The following ADAM23 variants were observed in gnomAD, a reference collection of about 807,000 sequenced individuals.
ADAM23 encodes the protein disintegrin and metalloproteinase domain-containing protein 23.
A neutral mutation model predicts 120.1 loss-of-function variants in ADAM23; 33 were observed. That is an observed-to-expected ratio of 0.27 (90% confidence interval 0.21 to 0.37). The LOEUF is 0.37. Ranked by LOEUF, ADAM23 falls within the 10% of genes least tolerant of loss-of-function variation. The pLI, the probability that ADAM23 is intolerant of heterozygous loss-of-function variation, is 1.00. For missense variants in ADAM23, 862 were observed against 1,058.2 expected (o/e 0.81, Z 2.57); for synonymous variants, 367 against 375.2 (o/e 0.98, Z 0.25).
rs1029588482 is a variant in ADAM23, at chr2:206,620,750, G to A, written c.*3123G>A. ...AGAGCTGCTCCTACTAGATAACTGA[G>A]CAGTACACATAAGTGCATGTTATGA... On this transcript the variant is annotated 3_prime_UTR_variant, in exon 26 of 26. Transcript: ENST00000264377. 4 of 152,096 alleles carry A rather than the reference G, an allele frequency of 2.6e-5. No individual in the cohort carries two copies. The highest frequency in any genetic ancestry group is 9.7e-5 in the African/African-American group (4 of 41,398). The allele number at this position is 152,096 out of a possible 1,614,324, so 9.4% of individuals were successfully genotyped here.
intron 24 of ADAM23, chr2:206,607,136 C>T (rs1698743068): frequency 6.6e-6 from 1 of 152,200 alleles, no homozygotes; most frequent in Admixed American, 6.5e-5. Flanking sequence ...TTTGACCAGA[C>T]TTAGATCTTC....
At chr2:206,450,825 T>G (rs1318417071) in intron 2 of ADAM23, among the ~76,000 whole-genome samples, 2 of 152,200 alleles carry the variant, frequency 1.3e-5, no homozygotes, top group Non-Finnish European at 2.9e-5. Flanking sequence ...GGTGTTCAGT[T>G]TTGTTTGATT....
chr2:206,620,954 T>G lies in ADAM23; in HGVS notation c.*3327T>G, dbSNP rs1433087313. On this transcript the variant is annotated 3_prime_UTR_variant, in exon 26 of 26. Coordinates refer to ENST00000264377, the MANE Select transcript of ADAM23 (RefSeq NM_003812.4). ...CATCATGTTTTATAGTCATTGTTGC[T>G]TCCATTGTTAGTTTCCATTTTCAAG... is the stretch of plus-strand genomic sequence containing the variant. 2 of 152,236 alleles carry G rather than the reference T, an allele frequency of 1.3e-5. No individual in the cohort carries two copies. The highest frequency in any genetic ancestry group is 2.9e-5 in the Non-Finnish European group (2 of 68,034). The allele number at this position is 152,236 out of a possible 1,614,324, so 9.4% of individuals were successfully genotyped here. A position where few individuals can be genotyped will look rare whatever the true frequency, so the allele number is the denominator to read the frequency against.
At chr2:206,591,010 A>G (rs1398105778) in intron 21 of ADAM23, among the ~76,000 whole-genome samples, 1 of 152,176 alleles carries the variant, frequency 6.6e-6, no homozygotes, top group Non-Finnish European at 1.5e-5. Context: ...AGTTAAGGGA[A>G]ATTAATGTGT....
intron 24 of ADAM23, among the ~76,000 whole-genome samples, chr2:206,604,521 C>T (rs534416369): frequency 6.6e-6 from 1 of 151,888 alleles, no homozygotes; most frequent in African/African-American, 2.4e-5. Context: ...TCAACACTCT[C>T]GGGGGACTTT....
chr2:206,605,879 G>A, intron 24 of ADAM23: 1 of 674,164 alleles, frequency 1.5e-6, no homozygotes, highest in Non-Finnish European at 2.7e-6. Context: ...GTGGGGAATA[G>A]AGTAAGCATC....
chr2:206,455,017 A>G (rs749190544), intron 2 of ADAM23, among the ~76,000 whole-genome samples: 2 of 152,216 alleles, frequency 1.3e-5, no homozygotes, highest in Non-Finnish European at 2.9e-5. Context: ...CACAGCTCCA[A>G]TAGGCAGTGC....
intron 3 of ADAM23, among the ~76,000 whole-genome samples, chr2:206,510,929 T>C (rs1331161396): frequency 6.6e-6 from 1 of 152,224 alleles, no homozygotes; most frequent in Non-Finnish European, 1.5e-5. Context: ...GTATAGTTTT[T>C]TGAGCTGCAA....
In ADAM23 at chr2:206,526,439, G is replaced by A. The variant is rs772034066; in HGVS notation, c.510-4446G>A. Reference sequence around the variant, plus strand: ...AAATGTTATCTCTTCCCCACACTGCGATATAGTGCAAGTTGAGTAGCTCTT... The same window carrying A: ...AAATGTTATCTCTTCCCCACACTGCAATATAGTGCAAGTTGAGTAGCTCTT... On this transcript the variant is annotated intron_variant, in intron 3 of 25. Coordinates refer to ENST00000264377, the MANE Select transcript of ADAM23 (RefSeq NM_003812.4). Among the ~76,000 whole-genome samples, 7 of 152,284 alleles carry A rather than the reference G, an allele frequency of 4.6e-5. No individual in the cohort carries two copies. The South Asian group carries it at 8.3e-4, about 18-fold the overall frequency.
intron 3 of ADAM23, among the ~76,000 whole-genome samples, chr2:206,488,502 G>C (rs950816667): frequency 2.0e-5 from 3 of 152,186 alleles, no homozygotes; most frequent in African/African-American, 7.2e-5. Flanking sequence ...TTCTCAAGCT[G>C]TTTACTCCTC....
intron 3 of ADAM23, among the ~76,000 whole-genome samples, chr2:206,523,984 A>G (rs1696896695): frequency 6.6e-6 from 1 of 152,118 alleles, no homozygotes; most frequent in Non-Finnish European, 1.5e-5. Context: ...GGTTGTCATT[A>G]AATGAATGAA....
At chr2:206,496,814 G>C (rs1696260870) in intron 3 of ADAM23, among the ~76,000 whole-genome samples, 1 of 152,248 alleles carries the variant, frequency 6.6e-6, no homozygotes, top group South Asian at 2.1e-4. Flanking sequence ...AAATGACAAA[G>C]GGGATATCAC....
intron 2 of ADAM23, among the ~76,000 whole-genome samples, chr2:206,477,891 A>ATATAT (rs1229595648): frequency 1.1e-3 from 103 of 94,386 alleles, no homozygotes; most frequent in Middle Eastern, 5.1e-3. Context: ...AAAAAAAAAA[A>ATATAT]AAAAAAATAT....
chr2:206,535,569 G>A lies in ADAM23; in HGVS notation c.573+4621G>A, dbSNP rs543961443. On this transcript the variant is annotated intron_variant, in intron 4 of 25. Transcript: ENST00000264377. ...GAAACACCCTAAATGTCCTTCAATTGTTGAAGGAATAAGGGAAATATGGCA... is the reference window on the plus strand; with the variant it reads ...GAAACACCCTAAATGTCCTTCAATTATTGAAGGAATAAGGGAAATATGGCA... 5.9e-5 allele frequency among the ~76,000 whole-genome samples: 9 copies of A among 152,296 alleles called. No individual in the cohort carries two copies. In the South Asian group the frequency reaches 1.5e-3, roughly 25 times the overall value.
At chr2:206,478,768 A>G (rs1695835842) in intron 2 of ADAM23, among the ~76,000 whole-genome samples, 1 of 152,064 alleles carries the variant, frequency 6.6e-6, no homozygotes, top group Admixed American at 6.6e-5. Flanking sequence ...TAAAAAGCTT[A>G]TTTTTCTCAC....
chr2:206,551,482 G>C (rs1574528753), intron 9 of ADAM23, among the ~76,000 whole-genome samples: 1 of 152,084 alleles, frequency 6.6e-6, no homozygotes. Context: ...ATATAGATGA[G>C]AATCTTTTAA....
chr2:206,477,813 CTT>C (rs1372930044), intron 2 of ADAM23, among the ~76,000 whole-genome samples: 3 of 146,866 alleles, frequency 2.0e-5, no homozygotes, highest in Non-Finnish European at 4.5e-5. Context: ...TATTGTAAGA[CTT>C]TGTACTCATC....
intron 3 of ADAM23, among the ~76,000 whole-genome samples, chr2:206,498,969 T>G (rs1696320270): frequency 6.6e-6 from 1 of 152,176 alleles, no homozygotes; most frequent in Non-Finnish European, 1.5e-5. Context: ...CCAGTTAGAA[T>G]GGCGATCATT....
At chr2:206,601,836 CAG>C (rs1399606128) in intron 24 of ADAM23, among the ~76,000 whole-genome samples, 2 of 149,566 alleles carry the variant, frequency 1.3e-5, no homozygotes, top group African/African-American at 4.9e-5. Flanking sequence ...CAATAGTAAA[CAG>C]AAAGTGAAAC....
Sources: allele counts gnomAD v4.1 joint callset (sites outside exome capture counted in the v4.1 genomes callset), GRCh38; gene constraint gnomAD v4.1.1; transcripts MANE v1.5; gene names NCBI Gene and HGNC (gene_info 2026-07-23, HGNC 2026-07-21).